The following CYBRD1 variants were observed in gnomAD, a reference collection of about 807,000 sequenced individuals.
CYBRD1 encodes cytochrome b reductase 1, also known as plasma membrane ascorbate-dependent reductase CYBRD1.
CYBRD1 carries 14 observed loss-of-function variants against 21.9 expected under a neutral mutation model. The observed-to-expected ratio is 0.64, with a 90% CI of 0.42 to 1.00. CYBRD1 has a LOEUF of 1.00. CYBRD1 is among the 50% of genes least tolerant of loss of function. CYBRD1 has a pLI of 0.00. For synonymous variants in CYBRD1, 146 were observed against 136.5 expected (o/e 1.07, Z -0.48); for missense variants, 328 against 352.5 (o/e 0.93, Z 0.56).
intron 1 of CYBRD1, among the ~76,000 whole-genome samples, chr2:171,525,947 T>TAAAAA (rs58388653): frequency 4.8e-5 from 3 of 61,982 alleles, no homozygotes; most frequent in African/African-American, 7.2e-5. Flanking sequence ...AACTCCCGTC[T>TAAAAA]AAAAAAAAAA....
At chr2:171,530,793 G>C (rs1351320755) in intron 1 of CYBRD1, among the ~76,000 whole-genome samples, 1 of 152,152 alleles carries the variant, frequency 6.6e-6, no homozygotes, top group Non-Finnish European at 1.5e-5. Context: ...ATAGCTTCCA[G>C]TTTACAGGTG....
chr2:171,527,918 G>T (rs6743679), intron 1 of CYBRD1, among the ~76,000 whole-genome samples: 3,901 of 151,726 alleles, frequency 0.026, 91 homozygotes, highest in South Asian at 0.11. Flanking sequence ...TTCTCGAGCC[G>T]GTTCCAATTA....
At position 171,533,012 on chromosome 2, in the gene CYBRD1, A is replaced by G. The variant is rs148593162; in HGVS notation, c.194-8573A>G. 7.6e-3 allele frequency among the ~76,000 whole-genome samples: 1,157 copies of G among 152,164 alleles called. 15 individuals carry two copies. Among genetic ancestry groups the G allele is most frequent in the African/African-American group, 0.027 (1,103 of 41,504 alleles). ...AAAAAAAGTAAAAGAGGATTTGCTC[A>G]TTTGCTGGCAATACTGAATGAACTA... On this transcript the variant is annotated intron_variant, in intron 1 of 3. Coordinates refer to ENST00000321348, the MANE Select transcript of CYBRD1 (RefSeq NM_024843.4).
intron 1 of CYBRD1, among the ~76,000 whole-genome samples, chr2:171,523,705 A>G (rs1193907218): frequency 7.3e-6 from 1 of 136,888 alleles, no homozygotes; most frequent in African/African-American, 2.9e-5. Flanking sequence ...AGTCGCTGGC[A>G]ATGTTTGTTG....
Position 171,556,036 on chromosome 2 carries a change from G to C in CYBRD1, c.*1209G>C, listed in dbSNP as rs1683481940. 1 of 152,214 alleles carries C rather than the reference G, an allele frequency of 6.6e-6. No homozygotes were observed. The highest frequency in any genetic ancestry group is 2.1e-4 in the South Asian group (1 of 4,828). 9.4% of individuals were successfully genotyped at this position (152,214 alleles called of 1,614,324 possible). A position where few individuals can be genotyped will look rare whatever the true frequency, so the allele number is the denominator to read the frequency against. On this transcript the variant is annotated 3_prime_UTR_variant, in exon 4 of 4. Coordinates refer to ENST00000321348, the MANE Select transcript of CYBRD1 (RefSeq NM_024843.4). ...GATTCCCCAGATAACCAAGGAAAAG[G>C]GGCCACCCATACCTGGAAATAGGCC...
chr2:171,531,732 G>A (rs1697470813), intron 1 of CYBRD1, among the ~76,000 whole-genome samples: 1 of 152,128 alleles, frequency 6.6e-6, no homozygotes, highest in Non-Finnish European at 1.5e-5. Flanking sequence ...CAAATGTCTG[G>A]CCAGGGTCAG....
At chr2:171,529,824 T>G (rs1212763078) in intron 1 of CYBRD1, among the ~76,000 whole-genome samples, 1 of 152,234 alleles carries the variant, frequency 6.6e-6, no homozygotes, top group Non-Finnish European at 1.5e-5. Context: ...TACCTACTTC[T>G]ATGATCCCTG....
chr2:171,549,945 C>G (rs1347990639), intron 2 of CYBRD1, among the ~76,000 whole-genome samples: 1 of 152,100 alleles, frequency 6.6e-6, no homozygotes, highest in African/African-American at 2.4e-5. Flanking sequence ...ATCCATATCT[C>G]TAGAATAATT....
intron 1 of CYBRD1, among the ~76,000 whole-genome samples, chr2:171,533,226 G>A (rs1314331975): frequency 4.6e-5 from 7 of 152,122 alleles, no homozygotes; most frequent in Admixed American, 4.6e-4. Flanking sequence ...AATTAGCCGG[G>A]CATGGTAGTG....
chr2:171,531,164 A>AG (rs1038247685), intron 1 of CYBRD1, among the ~76,000 whole-genome samples: 13 of 151,396 alleles, frequency 8.6e-5, no homozygotes, highest in Admixed American at 1.3e-4. Context: ...CAAAAAAAAA[A>AG]AAAAAAAAGA....
At chr2:171,538,884 G>A (rs1394484042) in intron 1 of CYBRD1, among the ~76,000 whole-genome samples, 2 of 151,986 alleles carry the variant, frequency 1.3e-5, no homozygotes, top group East Asian at 1.9e-4. Context: ...TGCAACCTCC[G>A]CCTCCCGAGT....
chr2:171,541,448 A>G (rs1697629431), intron 1 of CYBRD1, 137 bp from the exon 2 acceptor site: 1 of 787,250 alleles, frequency 1.3e-6, no homozygotes, highest in African/African-American at 1.7e-5. Context: ...GGCAGGGGTA[A>G]CATGGGGAAG....
intron 1 of CYBRD1, among the ~76,000 whole-genome samples, chr2:171,534,057 A>G (rs1398953604): frequency 6.6e-6 from 1 of 151,970 alleles, no homozygotes; most frequent in South Asian, 2.1e-4. Flanking sequence ...TTTTCTCTTC[A>G]TTGTCTTAAG....
intron 1 of CYBRD1, among the ~76,000 whole-genome samples, chr2:171,531,533 G>A (rs573817749): frequency 6.6e-6 from 1 of 152,106 alleles, no homozygotes; most frequent in East Asian, 1.9e-4. Flanking sequence ...CTGCAGCCTC[G>A]ACCTCCCGGG....
chr2:171,543,753 C>CT (rs960280486), intron 2 of CYBRD1, among the ~76,000 whole-genome samples: 1 of 151,848 alleles, frequency 6.6e-6, no homozygotes, highest in African/African-American at 2.4e-5. Context: ...TCTATTGCAA[C>CT]TTTTTTTTAA....
chr2:171,538,499 A>G (rs567110376), intron 1 of CYBRD1, among the ~76,000 whole-genome samples: 2 of 152,314 alleles, frequency 1.3e-5, no homozygotes, highest in South Asian at 2.1e-4. Flanking sequence ...GATTATCCAA[A>G]AAGTCTCCAC....
chr2:171,522,671 G>C lies in CYBRD1; in HGVS notation c.126G>C (p.Gly42=). The change falls in exon 1 of 4, where the codon GGG becomes GGC. Residue 42 remains glycine, a synonymous_variant. Coordinates refer to ENST00000321348, the MANE Select transcript of CYBRD1 (RefSeq NM_024843.4). This position sits in a 1 kb window ranked among gnomAD's most constrained non-coding sequence, Gnocchi z 4.3. ...LHYREGLGWD[G]SALEFNWHPV... is the part of the protein sequence containing the mutation. ...ACCGAGAGGGGCTTGGCTGGGATGG[G>C]AGCGCACTAGAGTTTAACTGGCACC... 5.0e-6 allele frequency: 8 copies of C among 1,613,506 alleles called. No individual in the cohort carries two copies. Among genetic ancestry groups the C allele is most frequent in the Non-Finnish European group, 6.8e-6 (8 of 1,179,908 alleles).
chr2:171,533,876 T>C (rs1404841508), intron 1 of CYBRD1, among the ~76,000 whole-genome samples: 1 of 151,846 alleles, frequency 6.6e-6, no homozygotes, highest in East Asian at 1.9e-4. Flanking sequence ...GGCTAATTTT[T>C]CTATTTTTTT....
chr2:171,536,464 C>T (rs778629799), intron 1 of CYBRD1, among the ~76,000 whole-genome samples: 1 of 152,200 alleles, frequency 6.6e-6, no homozygotes, highest in Non-Finnish European at 1.5e-5. Context: ...CACCACCATG[C>T]CCAGCTGATT....
Sources: allele counts gnomAD v4.1 joint callset (sites outside exome capture counted in the v4.1 genomes callset), GRCh38; gene constraint gnomAD v4.1.1; non-coding constraint Gnocchi (gnomAD v3.1); transcripts MANE v1.5; gene names NCBI Gene and HGNC (gene_info 2026-07-23, HGNC 2026-07-21).